The following FRMD4A variants were observed in gnomAD, a reference collection of about 807,000 sequenced individuals.
FRMD4A encodes the protein FERM domain containing 4A, also known as FERM domain-containing protein 4A.
FRMD4A carries 29 observed loss-of-function variants against 129.1 expected under a neutral mutation model. The observed-to-expected ratio is 0.22, with a 90% CI of 0.17 to 0.31. FRMD4A has a LOEUF of 0.31. Ranked by LOEUF, FRMD4A falls within the 10% of genes least tolerant of loss-of-function variation. The pLI, the probability that FRMD4A is intolerant of heterozygous loss-of-function variation, is 1.00. For missense variants in FRMD4A, 1,272 were observed against 1,375.8 expected, an observed-to-expected ratio of 0.92 and a Z score of 1.19; for synonymous variants, 634 against 571.6, an observed-to-expected ratio of 1.11 and a Z score of -1.56.
At chr10:13,783,152 T>A in intron 5 of FRMD4A, 146 bp from the exon 6 acceptor site, 1 of 614,024 alleles carries the variant, frequency 1.6e-6, no homozygotes, top group Non-Finnish European at 2.9e-6. Context: ...GGTTTTTCTA[T>A]GATTCCCTAG....
rs375991245 is a variant in FRMD4A, at chr10:13,998,170, C to T, written c.46-139258G>A. On this transcript the variant is annotated intron_variant, in intron 2 of 24. Coordinates refer to ENST00000357447, the MANE Select transcript of FRMD4A (RefSeq NM_018027.5). ...AATTTTCTTTCCATCCACACACATT[C>T]CCCAGATGTTATCATATAGTCCTCT... 3.9e-5 allele frequency among the ~76,000 whole-genome samples: 6 copies of T among 152,272 alleles called. No homozygotes were observed. The East Asian group carries it at 7.7e-4, about 20-fold the overall frequency.
chr10:13,935,190 G>C (rs1266782941), intron 2 of FRMD4A, among the ~76,000 whole-genome samples: 1 of 152,038 alleles, frequency 6.6e-6, no homozygotes, highest in Non-Finnish European at 1.5e-5. Flanking sequence ...TGTAATCCCA[G>C]CACTTTGGTA....
chr10:13,692,887 A>G (rs2399989), intron 15 of FRMD4A: 145,050 of 152,186 alleles, frequency 0.95, 69,501 homozygotes, highest in East Asian at 1. Flanking sequence ...TGTTTTTTGA[A>G]ACAGGGTCTT....
At chr10:14,137,671 G>A (rs1006159957) in intron 2 of FRMD4A, among the ~76,000 whole-genome samples, 2 of 152,146 alleles carry the variant, frequency 1.3e-5, no homozygotes, top group Non-Finnish European at 2.9e-5. Flanking sequence ...GTTTCCTTGA[G>A]TGGATCTCTC....
At chr10:14,300,397 G>A (rs1834971312) in intron 2 of FRMD4A, among the ~76,000 whole-genome samples, 1 of 152,108 alleles carries the variant, frequency 6.6e-6, no homozygotes, top group African/African-American at 2.4e-5. Flanking sequence ...CACATAAGTG[G>A]TTTAGACAGT....
intron 2 of FRMD4A, among the ~76,000 whole-genome samples, chr10:13,960,031 G>A (rs2095436817): frequency 6.6e-6 from 1 of 152,164 alleles, no homozygotes; most frequent in African/African-American, 2.4e-5. Flanking sequence ...TGGTGTAGGA[G>A]GGGCAGCCCC....
intron 12 of FRMD4A, among the ~76,000 whole-genome samples, chr10:13,712,487 C>G (rs1175057384): frequency 2.0e-5 from 3 of 151,600 alleles, no homozygotes; most frequent in African/African-American, 7.3e-5. Context: ...GCACTCCAGC[C>G]TGGGCAACAC....
intron 2 of FRMD4A, among the ~76,000 whole-genome samples, chr10:14,240,401 C>T (rs1163689937): frequency 6.6e-6 from 1 of 152,140 alleles, no homozygotes; most frequent in African/African-American, 2.4e-5. Flanking sequence ...CCTAAACAAG[C>T]CTGCTGGTGT....
At chr10:13,912,712 G>A (rs1279610327) in intron 2 of FRMD4A, among the ~76,000 whole-genome samples, 1 of 151,726 alleles carries the variant, frequency 6.6e-6, no homozygotes, top group Non-Finnish European at 1.5e-5. Flanking sequence ...TGTATTTTTA[G>A]TAGAGACGGG....
chr10:13,944,694 T>C (rs2095318967), intron 2 of FRMD4A, among the ~76,000 whole-genome samples: 1 of 152,216 alleles, frequency 6.6e-6, no homozygotes, highest in African/African-American at 2.4e-5. Flanking sequence ...TCTTCTGTTA[T>C]ATATTTGTAG....
chr10:13,753,127 T>C (rs897725146), intron 8 of FRMD4A, among the ~76,000 whole-genome samples: 4 of 152,268 alleles, frequency 2.6e-5, no homozygotes, highest in Non-Finnish European at 4.4e-5. Flanking sequence ...AGGGAAGTTA[T>C]AGATTTTCAT....
Position 13,697,176 on chromosome 10 carries a change from CAG to C in FRMD4A, c.976-3139_976-3138del, listed in dbSNP as rs957874046. Among the ~76,000 whole-genome samples, 5 of 129,874 alleles carry C rather than the reference CAG, an allele frequency of 3.8e-5. No individual in the cohort carries two copies. The Admixed American group carries it at 4.0e-4, about 10-fold the overall frequency. The allele number at this position is 129,874 out of a possible 152,430, so 85.2% of individuals were successfully genotyped here. A position where few individuals can be genotyped will look rare whatever the true frequency, so the allele number is the denominator to read the frequency against. On this transcript the variant is annotated intron_variant, in intron 14 of 24. Coordinates refer to ENST00000357447, the MANE Select transcript of FRMD4A (RefSeq NM_018027.5). ...GATTTTTTTTTTTTTTTTTTTGAGA[CAG>C]AGTTTCACACTGTTGCCTAGGCTGG...
chr10:13,839,301 C>T (rs780657014), intron 3 of FRMD4A, among the ~76,000 whole-genome samples: 5 of 152,178 alleles, frequency 3.3e-5, no homozygotes, highest in Non-Finnish European at 7.3e-5. Context: ...CCACCACATC[C>T]AGCCAGGACC....
intron 2 of FRMD4A, among the ~76,000 whole-genome samples, chr10:13,913,072 TAAAA>T (rs533215051): frequency 7.9e-6 from 1 of 126,616 alleles, no homozygotes; most frequent in Admixed American, 8.0e-5. Context: ...AAACTCCATT[TAAAA>T]AAAAAAAAAA....
At chr10:14,160,116 A>G (rs1427124362) in intron 2 of FRMD4A, among the ~76,000 whole-genome samples, 2 of 152,208 alleles carry the variant, frequency 1.3e-5, no homozygotes, top group Non-Finnish European at 2.9e-5. Flanking sequence ...AAACAGACAC[A>G]TATATCAATG....
At chr10:13,657,613 G>C (rs1589232312) in intron 21 of FRMD4A, 91 bp from the exon 22 acceptor site, 1 of 1,436,210 alleles carries the variant, frequency 7.0e-7, no homozygotes, top group Non-Finnish European at 9.1e-7. Flanking sequence ...GGAGGGCACT[G>C]GGTGTCTGCA....
chr10:13,981,298 T>A (rs2095559762), intron 2 of FRMD4A, among the ~76,000 whole-genome samples: 2 of 152,118 alleles, frequency 1.3e-5, no homozygotes, highest in Non-Finnish European at 2.9e-5. Context: ...AATTTAAAGG[T>A]CAAGGTGAAT....
chr10:13,854,020 G>C (rs1351079915), intron 3 of FRMD4A, among the ~76,000 whole-genome samples: 1 of 152,006 alleles, frequency 6.6e-6, no homozygotes, highest in East Asian at 1.9e-4. Context: ...AGCCTCAAGA[G>C]AACCAAATAA....
intron 2 of FRMD4A, among the ~76,000 whole-genome samples, chr10:14,068,892 C>T (rs1052449165): frequency 5.3e-5 from 8 of 151,268 alleles, no homozygotes; most frequent in African/African-American, 1.9e-4. Context: ...CTCCCTCTCC[C>T]TCTCTTTCTC....
Sources: allele counts gnomAD v4.1 joint callset (sites outside exome capture counted in the v4.1 genomes callset), GRCh38; gene constraint gnomAD v4.1.1; transcripts MANE v1.5; gene names NCBI Gene and HGNC (gene_info 2026-07-23, HGNC 2026-07-21).